PRKAG2: variants seen among roughly 807,000 people sequenced by gnomAD.
The protein encoded by PRKAG2 is 5'-AMP-activated protein kinase subunit gamma-2.
A neutral mutation model predicts 69.6 loss-of-function variants in PRKAG2; 26 were observed. The ratio of observed to expected loss-of-function variants is 0.37; its 90% CI spans 0.27 to 0.52. The LOEUF (loss-of-function observed/expected upper bound fraction) is 0.52, where lower values mean the gene tolerates loss of function less well. PRKAG2 is among the 20% of genes least tolerant of loss of function. PRKAG2 has a pLI of 0.90. For missense variants in PRKAG2, 557 were observed against 740.0 expected, an observed-to-expected ratio of 0.75 and a Z score of 2.87; for synonymous variants, 293 against 285.0, an observed-to-expected ratio of 1.03 and a Z score of -0.28.
chr7:151,722,920 ACCACAT>A (rs1797350035), intron 3 of PRKAG2, among the ~76,000 whole-genome samples: 1 of 152,078 alleles, frequency 6.6e-6, no homozygotes, highest in African/African-American at 2.4e-5. Flanking sequence ...CAGCCCCACA[ACCACAT>A]CCTTGGCTCC....
At chr7:151,773,042 AG>A (rs2076131372) in intron 3 of PRKAG2, among the ~76,000 whole-genome samples, 7 of 32,918 alleles carry the variant, frequency 2.1e-4, no homozygotes, top group Non-Finnish European at 3.2e-4. Context: ...AGAGAGAGAG[AG>A]AGAGAGAGAG....
At chr7:151,713,033 C>A (rs1354599926) in intron 3 of PRKAG2, among the ~76,000 whole-genome samples, 6 of 152,210 alleles carry the variant, frequency 3.9e-5, no homozygotes, top group African/African-American at 1.2e-4. Flanking sequence ...CTCTCTGCTT[C>A]CCTACAAATG....
Position 151,754,894 on chromosome 7 carries a change from G to C in PRKAG2, c.466+26258C>G, listed in dbSNP as rs892234681. On this transcript the variant is annotated intron_variant, in intron 3 of 15. Coordinates refer to ENST00000287878, the MANE Select transcript of PRKAG2 (RefSeq NM_016203.4). ...TGTGGTATTGGAAAGTTGGAGCAGC[G>C]ACCTGAAGGAAGGGACCCCACCTGT... Among the ~76,000 whole-genome samples the C allele has an allele frequency of 3.9e-5, 6 of 152,034 alleles. No homozygotes were observed. The East Asian group carries it at 1.2e-3, about 29-fold the overall frequency.
rs76502840 is a variant in PRKAG2, at chr7:151,740,721, C to T, written c.466+40431G>A. 3.1e-3 allele frequency among the ~76,000 whole-genome samples: 474 copies of T among 152,262 alleles called. 6 individuals carry two copies. The highest frequency in any genetic ancestry group is 5.5e-3 in the Non-Finnish European group (372 of 68,038). On this transcript the variant is annotated intron_variant, in intron 3 of 15. Coordinates refer to ENST00000287878, the MANE Select transcript of PRKAG2 (RefSeq NM_016203.4). ...GCCGTGGCTGCAAGTGTCGTCAGCA[C>T]AAAGGAAGGAGAGGAGAAGGCCCGT...
At chr7:151,827,530 C>T (rs1456877230) in intron 1 of PRKAG2, among the ~76,000 whole-genome samples, 9 of 152,094 alleles carry the variant, frequency 5.9e-5, no homozygotes, top group African/African-American at 2.2e-4. Context: ...TGAGCCACTG[C>T]ACCCAGCCGG....
chr7:151,576,508 C>CTT, intron 6 of PRKAG2, 56 bp from the exon 7 acceptor site: 22 of 1,264,320 alleles, frequency 1.7e-5, no homozygotes, highest in African/African-American at 3.0e-5. Context: ...AGAAAAATAC[C>CTT]TTTTTTTTTT....
chr7:151,807,236 A>G lies in PRKAG2; in HGVS notation c.115-20695T>C, dbSNP rs1353729172. On this transcript the variant is annotated intron_variant, in intron 1 of 15. Transcript: ENST00000287878. This position sits in a 1 kb window ranked among gnomAD's most constrained non-coding sequence, Gnocchi z 4.4. Reference sequence around the variant, plus strand: ...GGCATTATATGTAAATCACACCTCAATAAAGCTGACCAAAAAGTGGCCAGT... The same window carrying G: ...GGCATTATATGTAAATCACACCTCAGTAAAGCTGACCAAAAAGTGGCCAGT... The G allele has an allele frequency of 5.3e-6, 2 of 374,282 alleles. No individual in the cohort carries two copies. The highest frequency in any genetic ancestry group is 2.1e-5 in the African/African-American group (1 of 47,320). 23.2% of individuals were successfully genotyped at this position (374,282 alleles called of 1,614,324 possible).
At chr7:151,599,434 C>G (rs1815445583) in intron 5 of PRKAG2, among the ~76,000 whole-genome samples, 1 of 152,170 alleles carries the variant, frequency 6.6e-6, no homozygotes, top group African/African-American at 2.4e-5. Flanking sequence ...ACACTGCATC[C>G]AGGAAGATTT....
chr7:151,757,945 C>T (rs190841649), intron 3 of PRKAG2, among the ~76,000 whole-genome samples: 16 of 152,334 alleles, frequency 1.1e-4, no homozygotes, highest in African/African-American at 3.8e-4. Context: ...GCAGTCAAAA[C>T]GTTTTCAAAC....
intron 1 of PRKAG2, among the ~76,000 whole-genome samples, chr7:151,822,018 G>A (rs1474474045): frequency 6.6e-6 from 1 of 152,226 alleles, no homozygotes; most frequent in Admixed American, 6.5e-5. Flanking sequence ...AGGCACCCCA[G>A]TGCGTTCCAG....
At chr7:151,631,186 G>A (rs544606368) in intron 5 of PRKAG2, among the ~76,000 whole-genome samples, 5 of 152,328 alleles carry the variant, frequency 3.3e-5, no homozygotes, top group South Asian at 4.1e-4. Flanking sequence ...AAGAGAAGTT[G>A]CTAAATAAAT....
chr7:151,654,974 T>A (rs972064264), intron 4 of PRKAG2, among the ~76,000 whole-genome samples: 2 of 152,248 alleles, frequency 1.3e-5, no homozygotes, highest in African/African-American at 4.8e-5. Context: ...ATTACAGACA[T>A]GAGCCACCAT....
rs542787122 is a variant in PRKAG2 at position 151,654,223 on chromosome 7, G to GT, written c.684+21196dup. On this transcript the variant is annotated intron_variant, in intron 4 of 15. Coordinates refer to ENST00000287878, the MANE Select transcript of PRKAG2 (RefSeq NM_016203.4). ...CATTTAACTTTGTCTTCAAAGAAAC[G>GT]TGTCTACAGGATGTCCCATGGTGAA... Among the ~76,000 whole-genome samples, 48 of 152,222 alleles carry GT rather than the reference G, an allele frequency of 3.2e-4. 2 individuals carry two copies. The South Asian group carries it at 9.7e-3, about 31-fold the overall frequency.
At chr7:151,691,484 T>TA (rs56411327) in intron 3 of PRKAG2, among the ~76,000 whole-genome samples, 101 of 137,886 alleles carry the variant, frequency 7.3e-4, no homozygotes, top group South Asian at 1.9e-3. Flanking sequence ...AAAAACTCAG[T>TA]AAAAAAAAAA....
chr7:151,646,873 A>C (rs538280111), intron 4 of PRKAG2, among the ~76,000 whole-genome samples: 1 of 152,334 alleles, frequency 6.6e-6, no homozygotes, highest in African/African-American at 2.4e-5. Flanking sequence ...CCACCATTTG[A>C]CGTGTGCACA....
chr7:151,587,404 G>A (rs915434308), intron 6 of PRKAG2, among the ~76,000 whole-genome samples: 1 of 152,082 alleles, frequency 6.6e-6, no homozygotes, highest in Non-Finnish European at 1.5e-5. Flanking sequence ...GAGGTGAAGC[G>A]TCACTCCCCA....
intron 1 of PRKAG2, among the ~76,000 whole-genome samples, chr7:151,860,281 G>A (rs921613639): frequency 2.0e-5 from 3 of 152,224 alleles, no homozygotes; most frequent in African/African-American, 7.2e-5. Context: ...AAGACCACAG[G>A]CTGGGCATGC....
chr7:151,793,917 C>T (rs367760138), intron 1 of PRKAG2, among the ~76,000 whole-genome samples: 18 of 152,350 alleles, frequency 1.2e-4, no homozygotes, highest in African/African-American at 1.4e-4. Flanking sequence ...TGGCCAAATC[C>T]GGGAAGGCCT....
chr7:151,604,733 G>T (rs191182656), intron 5 of PRKAG2, among the ~76,000 whole-genome samples: 7 of 151,872 alleles, frequency 4.6e-5, no homozygotes, highest in Admixed American at 6.5e-5. Context: ...TTAATGCCCT[G>T]TGTCTGTCTC....
Sources: gnomAD v4.1 joint callset for allele counts (sites outside exome capture counted in the v4.1 genomes callset) on GRCh38, gnomAD v4.1.1 for gene constraint, Gnocchi (gnomAD v3.1) non-coding constraint, MANE v1.5 for transcripts, NCBI Gene and HGNC (gene_info 2026-07-23, HGNC 2026-07-21) for gene names.